Variants in MCUR1 observed in about 807,000 individuals in gnomAD.
MCUR1 encodes MCU regulator 1.
MCUR1 carries 37 observed loss-of-function variants against 42.0 expected under a neutral mutation model. The ratio of observed to expected loss-of-function variants is 0.88; its 90% confidence interval spans 0.68 to 1.16. The LOEUF (loss-of-function observed/expected upper bound fraction) is 1.16, where lower values mean the gene tolerates loss of function less well. MCUR1 is among the 50% of genes most tolerant of loss of function. The pLI is 0.00. For missense variants in MCUR1, 469 were observed against 468.4 expected (o/e 1.00, Z -0.01); for synonymous variants, 229 against 196.2 (o/e 1.17, Z -1.40).
intron 1 of MCUR1, among the ~76,000 whole-genome samples, chr6:13,811,209 A>G (rs542471446): frequency 6.6e-5 from 10 of 152,208 alleles, no homozygotes; most frequent in Non-Finnish European, 1.5e-4. Context: ...CAGATAGCTC[A>G]TCGTAGCACT....
At chr6:13,812,275 G>T (rs1554116170) in intron 1 of MCUR1, among the ~76,000 whole-genome samples, 1 of 151,986 alleles carries the variant, frequency 6.6e-6, no homozygotes, top group Non-Finnish European at 1.5e-5. Flanking sequence ...CAGGCACCAA[G>T]CAAACAAATG....
intron 7 of MCUR1, among the ~76,000 whole-genome samples, chr6:13,793,125 C>CAAAAAAAAAAA (rs781438643): frequency 3.4e-5 from 3 of 87,896 alleles, no homozygotes; most frequent in Non-Finnish European, 6.6e-5. Context: ...GACCCCACCT[C>CAAAAAAAAAAA]AAAAAAAAAA....
chr6:13,791,957 G>A lies in MCUR1; in HGVS notation c.945C>T (p.Asp315=), dbSNP rs1759738122. The change falls in exon 8 of 9, where the codon GAC becomes GAT. Residue 315 remains aspartate, a synonymous_variant. Coordinates refer to ENST00000379170, the MANE Select transcript of MCUR1 (RefSeq NM_001031713.4). ...CAGCAACCTCAGTTTCGATCTTCCT[G>A]TCTGTCTGGGTAAGGGCCCGATCTT... ...AQQDRALTQT[D]RKIETEVAGL... is the part of the protein sequence containing the mutation. 6.2e-7 allele frequency: 1 copy of A among 1,614,002 alleles called. No individual in the cohort carries two copies. The highest frequency in any genetic ancestry group is 2.2e-5 in the East Asian group (1 of 44,878).
chr6:13,801,594 A>G (rs896825199), intron 3 of MCUR1, among the ~76,000 whole-genome samples: 1 of 152,202 alleles, frequency 6.6e-6, no homozygotes, highest in African/African-American at 2.4e-5. Context: ...TCACACCTGT[A>G]ATCCCAATAC....
intron 1 of MCUR1, among the ~76,000 whole-genome samples, chr6:13,810,172 C>T (rs1760202182): frequency 6.6e-6 from 1 of 151,780 alleles, no homozygotes; most frequent in Non-Finnish European, 1.5e-5. Flanking sequence ...CACTGCACTA[C>T]AGCCTAGGTG....
At chr6:13,808,021 G>C (rs1028814033) in intron 1 of MCUR1, among the ~76,000 whole-genome samples, 1 of 152,196 alleles carries the variant, frequency 6.6e-6, no homozygotes. Context: ...ACAGTGTTGA[G>C]AGGTGGGTCC....
chr6:13,806,704 T>A (rs751042706), intron 2 of MCUR1, among the ~76,000 whole-genome samples: 1 of 152,130 alleles, frequency 6.6e-6, no homozygotes, highest in Non-Finnish European at 1.5e-5. Context: ...GGTGGGAGGA[T>A]GGCTTGAGCC....
intron 1 of MCUR1, among the ~76,000 whole-genome samples, chr6:13,813,110 T>C (rs952193626): frequency 6.6e-6 from 1 of 152,234 alleles, no homozygotes; most frequent in African/African-American, 2.4e-5. Flanking sequence ...TTCAGGTTTG[T>C]AGCCTAGGAG....
intron 6 of MCUR1, among the ~76,000 whole-genome samples, chr6:13,796,985 C>A (rs1759871138): frequency 6.6e-6 from 1 of 152,152 alleles, no homozygotes; most frequent in African/African-American, 2.4e-5. Flanking sequence ...TATTTAGTAA[C>A]ACTAGGTGAT....
At chr6:13,809,727 CAAAAAAAA>C (rs771632728) in intron 1 of MCUR1, among the ~76,000 whole-genome samples, 11 of 119,588 alleles carry the variant, frequency 9.2e-5, no homozygotes, top group African/African-American at 3.3e-4. Flanking sequence ...GACCTCCTCT[CAAAAAAAA>C]AAAAAAAAAT....
At chr6:13,798,776 A>C (rs1759912640) in intron 6 of MCUR1, 57 bp downstream of exon 6, 2 of 1,361,444 alleles carry the variant, frequency 1.5e-6, no homozygotes, top group Non-Finnish European at 1.0e-6. Context: ...GGCTTAACCA[A>C]GCATTCCATT....
rs1336475349 is a variant in MCUR1 at position 13,787,248 on chromosome 6, G to C, written c.*3561C>G. 2.6e-5 allele frequency: 4 copies of C among 152,198 alleles called. No individual in the cohort carries two copies. The highest frequency in any genetic ancestry group is 6.5e-5 in the Admixed American group (1 of 15,268). 9.4% of individuals were successfully genotyped at this position (152,198 alleles called of 1,614,324 possible). A position where few individuals can be genotyped will look rare whatever the true frequency, so the allele number is the denominator to read the frequency against. On this transcript the variant is annotated 3_prime_UTR_variant, in exon 9 of 9. Coordinates refer to ENST00000379170, the MANE Select transcript of MCUR1 (RefSeq NM_001031713.4). Reference sequence around the variant, plus strand: ...GAGACAAAGGCAATCCCGACACACAGAGGCATGTTTGTTGCGGCTCAGGGT... The same window carrying C: ...GAGACAAAGGCAATCCCGACACACACAGGCATGTTTGTTGCGGCTCAGGGT...
rs569474241 is a variant in MCUR1, at chr6:13,791,948, G to A, written c.954C>T (p.Ile318=). The change falls in exon 8 of 9, where the codon ATC becomes ATT. Residue 318 remains isoleucine, a synonymous_variant. Coordinates refer to ENST00000379170, the MANE Select transcript of MCUR1 (RefSeq NM_001031713.4). ...TTTTGAGGCCAGCAACCTCAGTTTC[G>A]ATCTTCCTGTCTGTCTGGGTAAGGG... The part of the protein sequence containing the change: ...DRALTQTDRK[I]ETEVAGLKTM... The A allele has an allele frequency of 2.5e-6, 4 of 1,613,916 alleles. No homozygotes were observed. Among genetic ancestry groups the A allele is most frequent in the Admixed American group, 1.7e-5 (1 of 59,974 alleles).
At chr6:13,809,930 C>A in intron 1 of MCUR1, among the ~76,000 whole-genome samples, 1 of 151,552 alleles carries the variant, frequency 6.6e-6, no homozygotes, top group Middle Eastern at 3.4e-3. Flanking sequence ...AAAGGCCGGG[C>A]GTGGTGGCTC....
At chr6:13,810,459 T>C (rs1466929477) in intron 1 of MCUR1, among the ~76,000 whole-genome samples, 1 of 152,090 alleles carries the variant, frequency 6.6e-6, no homozygotes, top group African/African-American at 2.4e-5. Context: ...CAGTCTGAGG[T>C]CTGGTGTTGT....
At chr6:13,809,572 T>G (rs1357541957) in intron 1 of MCUR1, among the ~76,000 whole-genome samples, 1 of 152,104 alleles carries the variant, frequency 6.6e-6, no homozygotes, top group Admixed American at 6.5e-5. Context: ...AGTTGGCTTT[T>G]GGATTTTATG....
At chr6:13,800,501 G>T (rs1759967977) in intron 4 of MCUR1, 119 bp from the exon 5 acceptor site, 1 of 593,804 alleles carries the variant, frequency 1.7e-6, no homozygotes, top group Non-Finnish European at 3.0e-6. Context: ...TCAGAACACC[G>T]TATTGATTGC....
intron 2 of MCUR1, among the ~76,000 whole-genome samples, chr6:13,804,586 AAC>A (rs1320977463): frequency 6.6e-6 from 1 of 151,542 alleles, no homozygotes; most frequent in Non-Finnish European, 1.5e-5. Context: ...CATCCTGGCT[AAC>A]ACAGTGAAAC....
chr6:13,791,016 A>C, intron 8 of MCUR1, 152 bp from the exon 9 acceptor site: 2 of 547,510 alleles, frequency 3.7e-6, no homozygotes, highest in East Asian at 6.8e-5. Flanking sequence ...CTACTGAAAA[A>C]ACAAATCCCA....
Sources: gnomAD v4.1 joint callset for allele counts (sites outside exome capture counted in the v4.1 genomes callset) on GRCh38, gnomAD v4.1.1 for gene constraint, MANE v1.5 for transcripts, NCBI Gene and HGNC (gene_info 2026-07-23, HGNC 2026-07-21) for gene names.